Variants in ASIC2 observed in about 807,000 individuals in gnomAD.
ASIC2 encodes the protein acid sensing ion channel subunit 2.
Under a neutral mutation model 57.3 loss-of-function variants are expected in ASIC2, and 25 were observed. The ratio of observed to expected loss-of-function variants is 0.44; its 90% CI spans 0.32 to 0.61. The LOEUF is 0.61. Among genes scored for constraint, ASIC2 ranks in the 20% least tolerant of loss-of-function variants. The probability of loss-of-function intolerance (pLI) is 0.06; values close to 1 mark genes in which losing one functional copy is unlikely to be tolerated. For missense variants in ASIC2, 641 were observed against 738.1 expected (o/e 0.87, Z 1.52); for synonymous variants, 319 against 307.5 (o/e 1.04, Z -0.39).
intron 1 of ASIC2, among the ~76,000 whole-genome samples, chr17:33,388,751 A>G (rs190173697): frequency 2.0e-5 from 3 of 152,318 alleles, no homozygotes; most frequent in Admixed American, 2.0e-4. Context: ...GTGGTAATCA[A>G]TGCCTGCCCC....
In ASIC2 at chr17:33,087,575, G is replaced by GTTT. The variant is rs5820015; in HGVS notation, c.987+1285_987+1287dup. ...GCTCACGTATAGATTTACAACCAGT[G>GTTT]TTTTTTTTTTTTTTTTTTTTGAGAC... On this transcript the variant is annotated intron_variant, in intron 3 of 9. Transcript: ENST00000225823. 2.5e-3 allele frequency among the ~76,000 whole-genome samples: 278 copies of GTTT among 110,974 alleles called. 9 individuals carry two copies. Among genetic ancestry groups the GTTT allele is most frequent in the Middle Eastern group, 5.6e-3 (1 of 178 alleles). 72.8% of individuals were successfully genotyped at this position (110,974 alleles called of 152,430 possible).
intron 1 of ASIC2, among the ~76,000 whole-genome samples, chr17:33,946,917 G>A (rs144563550): frequency 1.3e-3 from 198 of 152,282 alleles, no homozygotes; most frequent in Middle Eastern, 6.8e-3. Flanking sequence ...TTGGGGTGAA[G>A]GGGAGGAGAT....
intron 1 of ASIC2, among the ~76,000 whole-genome samples, chr17:33,469,418 C>T (rs1912969030): frequency 6.6e-6 from 1 of 152,198 alleles, no homozygotes; most frequent in Non-Finnish European, 1.5e-5. Context: ...AGCACACAAG[C>T]ACCTGGACAC....
intron 1 of ASIC2, among the ~76,000 whole-genome samples, chr17:33,418,812 T>C (rs1280222824): frequency 6.6e-6 from 1 of 152,160 alleles, no homozygotes; most frequent in East Asian, 1.9e-4. Context: ...GGGACCCGGA[T>C]GAAGCTGGAA....
intron 1 of ASIC2, among the ~76,000 whole-genome samples, chr17:33,350,121 A>G (rs1430629086): frequency 6.6e-6 from 1 of 152,124 alleles, no homozygotes; most frequent in Non-Finnish European, 1.5e-5. Context: ...TTCCCTATTG[A>G]GTCTCCTTGG....
intron 1 of ASIC2, among the ~76,000 whole-genome samples, chr17:33,305,228 G>C (rs1906121113): frequency 6.6e-6 from 1 of 152,056 alleles, no homozygotes; most frequent in South Asian, 2.1e-4. Context: ...GATATCAAAT[G>C]GTTTATTTCA....
At chr17:33,974,669 T>G (rs1357113711) in intron 1 of ASIC2, among the ~76,000 whole-genome samples, 1 of 151,082 alleles carries the variant, frequency 6.6e-6, no homozygotes, top group Non-Finnish European at 1.5e-5. Context: ...ACAAAGACAG[T>G]GCCCATGAAT....
At chr17:33,520,292 G>C (rs1224151698) in intron 1 of ASIC2, among the ~76,000 whole-genome samples, 1 of 152,188 alleles carries the variant, frequency 6.6e-6, no homozygotes, top group Non-Finnish European at 1.5e-5. Flanking sequence ...AGAAAGACAG[G>C]GTCAGTGGGG....
At chr17:33,690,971 C>G (rs952215622) in intron 1 of ASIC2, among the ~76,000 whole-genome samples, 1 of 151,798 alleles carries the variant, frequency 6.6e-6, no homozygotes, top group Non-Finnish European at 1.5e-5. Context: ...GGATGGTCTC[C>G]ATCTCCTGAC....
chr17:33,983,478 G>A (rs1388304847), intron 1 of ASIC2, among the ~76,000 whole-genome samples: 1 of 152,164 alleles, frequency 6.6e-6, no homozygotes, highest in African/African-American at 2.4e-5. Flanking sequence ...TGACGTTTGG[G>A]CCTCAGGTAC....
intron 1 of ASIC2, among the ~76,000 whole-genome samples, chr17:33,675,263 C>T (rs1231212860): frequency 6.6e-6 from 1 of 152,196 alleles, no homozygotes; most frequent in Non-Finnish European, 1.5e-5. Context: ...TGACACATTG[C>T]TCCTCCAGCT....
intron 1 of ASIC2, among the ~76,000 whole-genome samples, chr17:33,680,047 G>A (rs1387771591): frequency 6.6e-6 from 1 of 152,108 alleles, no homozygotes; most frequent in Non-Finnish European, 1.5e-5. Context: ...GTTATTGATT[G>A]ATGGGGGACC....
At chr17:34,118,796 G>A (rs2142117082) in intron 1 of ASIC2, 1 of 152,354 alleles carries the variant, frequency 6.6e-6, no homozygotes, top group East Asian at 1.9e-4. Flanking sequence ...CAGACTGTTT[G>A]GCTCCAATCC....
intron 1 of ASIC2, among the ~76,000 whole-genome samples, chr17:33,470,391 A>G (rs900550850): frequency 6.6e-6 from 1 of 152,200 alleles, no homozygotes; most frequent in Non-Finnish European, 1.5e-5. Flanking sequence ...TAAAGCCCCC[A>G]GGTGAGTCTG....
chr17:33,016,052 C>T lies in ASIC2; in HGVS notation c.1522-13G>A. 1 of 1,613,492 alleles carries T rather than the reference C, an allele frequency of 6.2e-7. No individual in the cohort carries two copies. Among genetic ancestry groups the T allele is most frequent in the Non-Finnish European group, 8.5e-7 (1 of 1,179,782 alleles). On this transcript the variant is annotated splice_polypyrimidine_tract_variant and intron_variant, in intron 8 of 9. Transcript: ENST00000225823. ...TCTCTTTGATCAGCTGCAAGAAAAG[C>T]AGGAAGGGGTTGGTCAGGCCGGGAA...
chr17:33,453,417 G>C (rs1339389436), intron 1 of ASIC2, among the ~76,000 whole-genome samples: 5 of 152,052 alleles, frequency 3.3e-5, no homozygotes, highest in Admixed American at 3.3e-4. Flanking sequence ...TCTAGAGCCA[G>C]AAACCTCTTA....
chr17:33,588,487 C>G (rs1289732164), intron 1 of ASIC2, among the ~76,000 whole-genome samples: 1 of 152,178 alleles, frequency 6.6e-6, no homozygotes, highest in Non-Finnish European at 1.5e-5. Context: ...CCTTCATTCA[C>G]TCCTTATTTC....
rs896517399 is a variant in ASIC2, at chr17:34,043,296, T to C, written c.555+112682A>G. 3.9e-5 allele frequency among the ~76,000 whole-genome samples: 6 copies of C among 152,344 alleles called. No individual in the cohort carries two copies. The East Asian group carries it at 9.6e-4, about 24-fold the overall frequency. On this transcript the variant is annotated intron_variant, in intron 1 of 9. Transcript: ENST00000359872. ...ATTTTTCTATATGTATGCTGTGCTTTAGTAAATAGGTTTATTTTTTAAAGG... is the reference window on the plus strand; with the variant it reads ...ATTTTTCTATATGTATGCTGTGCTTCAGTAAATAGGTTTATTTTTTAAAGG...
intron 1 of ASIC2, among the ~76,000 whole-genome samples, chr17:33,410,161 C>G (rs1305501159): frequency 6.6e-6 from 1 of 152,156 alleles, no homozygotes; most frequent in Non-Finnish European, 1.5e-5. Flanking sequence ...GCTGACTCTT[C>G]TAAGCCTGGC....
Sources: gnomAD v4.1 joint callset for allele counts (sites outside exome capture counted in the v4.1 genomes callset) on GRCh38, gnomAD v4.1.1 for gene constraint, MANE v1.5 for transcripts, NCBI Gene and HGNC (gene_info 2026-07-23, HGNC 2026-07-21) for gene names.